Variants in ARHGAP6 observed in about 807,000 individuals in gnomAD.
ARHGAP6 encodes Rho GTPase activating protein 6.
ARHGAP6 carries 16 observed loss-of-function variants against 55.7 expected under a neutral mutation model. That is an observed-to-expected ratio of 0.29 (90% CI 0.19 to 0.44). The LOEUF (loss-of-function observed/expected upper bound fraction) is 0.44. ARHGAP6 is among the 20% of genes least tolerant of loss of function. ARHGAP6 has a pLI of 1.00. For missense variants in ARHGAP6, 698 were observed against 808.9 expected (o/e 0.86, Z 1.66); for synonymous variants, 382 against 360.9 (o/e 1.06, Z -0.66).
intron 1 of ARHGAP6, among the ~76,000 whole-genome samples, chrX:11,285,849 C>T (rs1307140390): frequency 8.9e-6 from 1 of 112,438 alleles, no homozygotes; most frequent in East Asian, 2.8e-4. Context: ...TTTCTAAAGT[C>T]CACAAGCTTC....
chrX:11,576,333 T>C (rs1273099667), intron 1 of ARHGAP6, among the ~76,000 whole-genome samples: 1 of 112,248 alleles, frequency 8.9e-6, no homozygotes, highest in African/African-American at 3.2e-5. Flanking sequence ...TTTATATACT[T>C]GATGCTTTGC....
intron 1 of ARHGAP6, among the ~76,000 whole-genome samples, chrX:11,538,582 G>T (rs1361471345): frequency 9.0e-6 from 1 of 111,039 alleles, no homozygotes; most frequent in Non-Finnish European, 1.9e-5. Flanking sequence ...ATTTAATAAA[G>T]AATTAACTCC....
chrX:11,165,462 C>A lies in ARHGAP6; in HGVS notation c.1809+4043G>T, dbSNP rs1370401936. On this transcript the variant is annotated intron_variant, in intron 9 of 12. Transcript: ENST00000337414. ...AGTGGGCTTGATTTCCAAGAAAACACCCAAACACGCTTTGATAGAGCAGGC... is the reference window on the plus strand; with the variant it reads ...AGTGGGCTTGATTTCCAAGAAAACAACCAAACACGCTTTGATAGAGCAGGC... 6.3e-5 allele frequency among the ~76,000 whole-genome samples: 7 copies of A among 111,584 alleles called. No homozygotes were observed. The East Asian group carries it at 2.0e-3, about 31-fold the overall frequency.
chrX:11,265,570 C>A, intron 1 of ARHGAP6: 1 of 507,980 alleles, frequency 2.0e-6, no homozygotes, highest in Non-Finnish European at 2.5e-6. Flanking sequence ...ACATCTCAGA[C>A]ACTGATCATT....
At chrX:11,457,486 T>C (rs1263693432) in intron 1 of ARHGAP6, among the ~76,000 whole-genome samples, 2 of 111,621 alleles carry the variant, frequency 1.8e-5, no homozygotes, top group African/African-American at 6.5e-5. Context: ...GAGGGAGACA[T>C]GACCTCTATC....
chrX:11,211,866 T>C (rs890357554), intron 2 of ARHGAP6, among the ~76,000 whole-genome samples: 1 of 111,804 alleles, frequency 8.9e-6, no homozygotes, highest in African/African-American at 3.3e-5. Flanking sequence ...AAATTGTATA[T>C]GGTAGAGGAA....
intron 2 of ARHGAP6, among the ~76,000 whole-genome samples, chrX:11,230,698 T>C (rs1180256355): frequency 9.1e-6 from 1 of 109,816 alleles, no homozygotes; most frequent in Non-Finnish European, 1.9e-5. Context: ...TGCATATACA[T>C]GTATGTATAT....
chrX:11,299,497 G>C (rs1321339220), intron 1 of ARHGAP6, among the ~76,000 whole-genome samples: 1 of 111,881 alleles, frequency 8.9e-6, no homozygotes, highest in African/African-American at 3.2e-5. Flanking sequence ...ACTTGGAGGC[G>C]GCTAAACTAA....
intron 1 of ARHGAP6, among the ~76,000 whole-genome samples, chrX:11,474,956 T>A (rs1569358385): frequency 9.0e-6 from 1 of 111,035 alleles, no homozygotes. Context: ...TCTGCCATGT[T>A]TTGACACAGC....
At chrX:11,231,213 G>T (rs891571322) in intron 2 of ARHGAP6, among the ~76,000 whole-genome samples, 3 of 112,041 alleles carry the variant, frequency 2.7e-5, no homozygotes, top group African/African-American at 6.5e-5. Flanking sequence ...TGCAGTTAGT[G>T]CTTTTAAATT....
At chrX:11,405,074 G>A (rs760986030) in intron 1 of ARHGAP6, among the ~76,000 whole-genome samples, 6 of 111,869 alleles carry the variant, frequency 5.4e-5, no homozygotes, top group Non-Finnish European at 1.1e-4. Flanking sequence ...GTCCTGGTAG[G>A]CCTAATATAA....
At chrX:11,574,920 A>G (rs1056922517) in intron 1 of ARHGAP6, among the ~76,000 whole-genome samples, 1 of 111,504 alleles carries the variant, frequency 9.0e-6, no homozygotes, top group Non-Finnish European at 1.9e-5. Flanking sequence ...AATCCCTCTC[A>G]TCTGTACCAT....
At chrX:11,427,399 G>T in intron 1 of ARHGAP6, 2 of 705,672 alleles carry the variant, frequency 2.8e-6, no homozygotes, top group Non-Finnish European at 3.6e-6. Context: ...TAGTGAGCAG[G>T]TGGCACTTCG....
At chrX:11,660,981 A>G (rs5935131) in intron 1 of ARHGAP6, among the ~76,000 whole-genome samples, 41,203 of 110,566 alleles carry the variant, frequency 0.37, 5,966 homozygotes, top group African/African-American at 0.53. Context: ...TCATTAGACT[A>G]TGAGCTCTTT....
intron 1 of ARHGAP6, among the ~76,000 whole-genome samples, chrX:11,601,783 C>T (rs1381401246): frequency 1.8e-5 from 2 of 111,789 alleles, no homozygotes; most frequent in Non-Finnish European, 3.8e-5. Flanking sequence ...TACAGCACAA[C>T]CATGTTGGCA....
At chrX:11,591,049 G>A (rs1036062684) in intron 1 of ARHGAP6, among the ~76,000 whole-genome samples, 10 of 107,056 alleles carry the variant, frequency 9.3e-5, no homozygotes, top group Admixed American at 3.0e-4. Flanking sequence ...AAAATTAGCC[G>A]GGCGTGGTGG....
chrX:11,599,410 G>T (rs762618149), intron 1 of ARHGAP6, among the ~76,000 whole-genome samples: 3 of 110,322 alleles, frequency 2.7e-5, no homozygotes, highest in Non-Finnish European at 5.7e-5. Context: ...ATCGAATTGG[G>T]TTAGTTTTAT....
intron 1 of ARHGAP6, among the ~76,000 whole-genome samples, chrX:11,304,777 C>CTTTTTTTTTTTTT (rs953912280): frequency 2.0e-5 from 1 of 50,284 alleles, no homozygotes; most frequent in Non-Finnish European, 3.7e-5. Flanking sequence ...CTTTCTTTTA[C>CTTTTTTTTTTTTT]TTTTTTTTTT....
chrX:11,333,988 T>TG (rs919967214), intron 1 of ARHGAP6, among the ~76,000 whole-genome samples: 3 of 111,328 alleles, frequency 2.7e-5, no homozygotes, highest in African/African-American at 9.8e-5. Context: ...GATAAAAAGA[T>TG]GGGGGAGAGT....
Sources: gnomAD v4.1 joint callset for allele counts (sites outside exome capture counted in the v4.1 genomes callset) on GRCh38, gnomAD v4.1.1 for gene constraint, MANE v1.5 for transcripts, NCBI Gene and HGNC (gene_info 2026-07-23, HGNC 2026-07-21) for gene names.